The following NDUFA2 variants were observed in gnomAD, a reference collection of about 807,000 sequenced individuals.
The protein encoded by NDUFA2 is NADH dehydrogenase [ubiquinone] 1 alpha subcomplex subunit 2.
A neutral mutation model predicts 11.4 loss-of-function variants in NDUFA2; 9 were observed. That is an observed-to-expected ratio of 0.79 (90% CI 0.48 to 1.38). NDUFA2 has a LOEUF of 1.38. Among genes scored for constraint, NDUFA2 ranks in the 40% most tolerant of loss-of-function variants. The pLI, the probability that NDUFA2 is intolerant of heterozygous loss-of-function variation, is 0.00. For synonymous variants in NDUFA2, 49 were observed against 54.0 expected, an observed-to-expected ratio of 0.91 and a Z score of 0.41; for missense variants, 150 against 131.2, an observed-to-expected ratio of 1.14 and a Z score of -0.70.
intron 2 of NDUFA2, chr5:140,646,955 T>G: frequency 3.3e-6 from 1 of 302,796 alleles, no homozygotes; most frequent in East Asian, 6.7e-5. Context: ...GGCTACACGT[T>G]ATTTGGAGAA....
At chr5:140,647,187 G>A in intron 2 of NDUFA2, 69 bp downstream of exon 2, 9 of 1,473,980 alleles carry the variant, frequency 6.1e-6, no homozygotes, top group Middle Eastern at 3.7e-4. Context: ...ACGACCTTGG[G>A]CGGTCCCTTC....
In NDUFA2 at chr5:140,645,330, C is replaced by A. The variant is rs189556993; in HGVS notation, c.*257G>T. The A allele has an allele frequency of 2.2e-5, 16 of 732,350 alleles. No homozygotes were observed. Among genetic ancestry groups the A allele is most frequent in the South Asian group, 1.7e-4 (11 of 66,102 alleles). The allele number at this position is 732,350 out of a possible 1,614,324, so 45.4% of individuals were successfully genotyped here. ...TCTGGGGCCCTAGAATCCCTGCCCC[C>A]CCGCCACCCTTCATGTTTGCTTCAG... On this transcript the variant is annotated 3_prime_UTR_variant, in exon 3 of 3. Transcript: ENST00000252102.
chr5:140,646,201 G>A (rs1357959608), intron 2 of NDUFA2, among the ~76,000 whole-genome samples: 1 of 151,980 alleles, frequency 6.6e-6, no homozygotes, highest in Non-Finnish European at 1.5e-5. Flanking sequence ...AGTAGAGACG[G>A]GGTTTTACCA....
chr5:140,645,338 C>A lies in NDUFA2; in HGVS notation c.*249G>T. The A allele has an allele frequency of 1.3e-6, 1 of 741,290 alleles. No individual in the cohort carries two copies. The highest frequency in any genetic ancestry group is 1.7e-5 in the African/African-American group (1 of 57,492). The allele number at this position is 741,290 out of a possible 1,614,324, so 45.9% of individuals were successfully genotyped here. ...CCTAGAATCCCTGCCCCCCCGCCAC[C>A]CTTCATGTTTGCTTCAGCAGCTGGT... On this transcript the variant is annotated 3_prime_UTR_variant, in exon 3 of 3. Coordinates refer to ENST00000252102, the MANE Select transcript of NDUFA2 (RefSeq NM_002488.5).
Position 140,647,467 on chromosome 5 carries a change from C to A in NDUFA2, c.101+16G>T. 6.2e-7 allele frequency: 1 copy of A among 1,611,526 alleles called. No individual in the cohort carries two copies. Among genetic ancestry groups the A allele is most frequent in the Non-Finnish European group, 8.5e-7 (1 of 1,179,638 alleles). On this transcript the variant is annotated intron_variant, in intron 1 of 2. Transcript: ENST00000252102. Reference sequence around the variant, plus strand: ...GGCGTCCCGAAGCCCGCCCGCCTCACCACGCCGCGCCTCACCTGACGCCCT... The same window carrying A: ...GGCGTCCCGAAGCCCGCCCGCCTCAACACGCCGCGCCTCACCTGACGCCCT...
Position 140,647,595 on chromosome 5 carries a change from T to C in NDUFA2, c.-12A>G. ...GCGGCCGCCGCCATCCTTGTTAATA[T>C]CGAAGTCGCCAATTCCAGGTCTTCA... On this transcript the variant is annotated 5_prime_UTR_variant, in exon 1 of 3. Coordinates refer to ENST00000252102, the MANE Select transcript of NDUFA2 (RefSeq NM_002488.5). 2 of 1,608,406 alleles carry C rather than the reference T, an allele frequency of 1.2e-6. No individual in the cohort carries two copies. The highest frequency in any genetic ancestry group is 1.7e-6 in the Non-Finnish European group (2 of 1,179,630).
chr5:140,647,324 G>A lies in NDUFA2; in HGVS notation c.140C>T (p.Ala47Val), dbSNP rs755726191. The A allele has an allele frequency of 2.9e-5, 47 of 1,600,868 alleles. No homozygotes were observed. The highest frequency in any genetic ancestry group is 3.8e-5 in the Non-Finnish European group (44 of 1,171,730). Residue 47 changes from alanine to valine, a missense_variant, in exon 2 of 3, where the codon GCG becomes GTG. By Grantham distance (64) the Ala-to-Val change is moderately conservative. Coordinates refer to ENST00000252102, the MANE Select transcript of NDUFA2 (RefSeq NM_002488.5). ...IEKRYVELKK[A>V]NPDLPILIRE... is the part of the protein sequence containing the mutation. ...GATTAGGATGGGTAGGTCGGGATTC[G>A]CCTTCTTCAGCTCCACGTAGCGTTT...
intron 2 of NDUFA2, among the ~76,000 whole-genome samples, chr5:140,646,849 G>A (rs2149802385): frequency 6.6e-6 from 1 of 152,252 alleles, no homozygotes; most frequent in Non-Finnish European, 1.5e-5. Context: ...CCTAACTAAT[G>A]AAGATTAAAT....
chr5:140,647,189 G>T, intron 2 of NDUFA2, 67 bp downstream of exon 2: 1 of 1,476,388 alleles, frequency 6.8e-7, no homozygotes, highest in Non-Finnish European at 9.1e-7. Context: ...GACCTTGGGC[G>T]GTCCCTTCTC....
intron 2 of NDUFA2, 21 bp downstream of exon 2, chr5:140,647,235 C>T (rs2149802838): frequency 6.5e-7 from 1 of 1,530,100 alleles, no homozygotes; most frequent in East Asian, 2.3e-5. Context: ...GAGCCCCAGA[C>T]CCCTGGCGTC....
rs1581476099 is a variant in NDUFA2 at position 140,647,322 on chromosome 5, T to G, written c.142A>C (p.Asn48His). ...CGGATTAGGATGGGTAGGTCGGGAT[T>G]CGCCTTCTTCAGCTCCACGTAGCGT... Reference protein sequence around the residue: ...EKRYVELKKANPDLPILIREC... With the variant: ...EKRYVELKKAHPDLPILIREC... The change falls in exon 2 of 3, where the codon AAT (asparagine) becomes CAT (histidine). Residue 48 changes from asparagine to histidine, a missense_variant. Asn to His is a moderately conservative substitution (Grantham distance 68, BLOSUM62 1). Coordinates refer to ENST00000252102, the MANE Select transcript of NDUFA2 (RefSeq NM_002488.5). The G allele has an allele frequency of 6.3e-7, 1 of 1,599,776 alleles. No homozygotes were observed. Among genetic ancestry groups the G allele is most frequent in the South Asian group, 1.1e-5 (1 of 89,524 alleles).
chr5:140,647,607 A>T lies in NDUFA2; in HGVS notation c.-24T>A. The T allele has an allele frequency of 6.2e-7, 1 of 1,605,802 alleles. No homozygotes were observed. The highest frequency in any genetic ancestry group is 8.5e-7 in the Non-Finnish European group (1 of 1,178,902). Reference sequence around the variant, plus strand: ...ATCCTTGTTAATATCGAAGTCGCCAATTCCAGGTCTTCAGGCCAAGTGCTC... The same window carrying T: ...ATCCTTGTTAATATCGAAGTCGCCATTTCCAGGTCTTCAGGCCAAGTGCTC... On this transcript the variant is annotated 5_prime_UTR_variant, in exon 1 of 3. The change creates a new upstream start codon in the 5' untranslated region. Transcript: ENST00000252102.
At position 140,645,640 on chromosome 5, in the gene NDUFA2, T is replaced by G. The variant is rs1757349046; in HGVS notation, c.247A>C (p.Ser83Arg). The G allele has an allele frequency of 6.2e-7, 1 of 1,614,204 alleles. No homozygotes were observed. The highest frequency in any genetic ancestry group is 1.3e-5 in the African/African-American group (1 of 75,046). Residue 83 changes from serine to arginine, a missense_variant, in exon 3 of 3, where the codon AGT becomes CGT. Physicochemically the swap from Ser to Arg is moderately radical, Grantham distance 110 (BLOSUM62 -1). Coordinates refer to ENST00000252102, the MANE Select transcript of NDUFA2 (RefSeq NM_002488.5). ...AGGGCTCTGGTTACCTGATCAGCAC[T>G]GAAGTTGTTCAAAGGGACATTCGTC... The part of the protein sequence containing the change: ...QETNVPLNNF[S>R]ADQVTRALEN...
rs1417372999 is a variant in NDUFA2 at position 140,646,078 on chromosome 5, T to G, written c.209-400A>C. 1.6e-4 allele frequency among the ~76,000 whole-genome samples: 24 copies of G among 149,588 alleles called. 2 individuals are homozygous for G. In the Admixed American group the frequency reaches 1.6e-3, roughly 10 times the overall value. On this transcript the variant is annotated intron_variant, in intron 2 of 2. Coordinates refer to ENST00000252102, the MANE Select transcript of NDUFA2 (RefSeq NM_002488.5). The stretch of plus-strand genomic sequence containing the variant: ...CAGGCTGGAGTGTGGTGGCACGATC[T>G]CCACTCACTGCAACCTCCACCTCCT...
At chr5:140,647,004 C>G in intron 2 of NDUFA2, 1 of 449,562 alleles carries the variant, frequency 2.2e-6, no homozygotes, top group Admixed American at 4.0e-5. Context: ...GAAGCCCATT[C>G]TTAACTACAA....
Position 140,647,360 on chromosome 5 carries a change from T to TCC in NDUFA2, c.102_103dup (p.Asp35GlyfsTer11). On this transcript the variant is annotated frameshift_variant and splice_region_variant, in exon 2 of 3. Transcript: ENST00000252102. LOFTEE classifies it high-confidence loss of function. Reference sequence around the variant, plus strand: ...CTCCACGTAGCGTTTCTCAATGAAGTCCCTGCGGGGCCGGAGAGAGCGCCG... The same window carrying TCC: ...CTCCACGTAGCGTTTCTCAATGAAGTCCCCCTGCGGGGCCGGAGAGAGCGCCG... 1 of 1,610,496 alleles carries TCC rather than the reference T, an allele frequency of 6.2e-7. No homozygotes were observed. Among genetic ancestry groups the TCC allele is most frequent in the Non-Finnish European group, 8.5e-7 (1 of 1,177,402 alleles).
chr5:140,647,108 A>G (rs1757447134), intron 2 of NDUFA2, 148 bp downstream of exon 2: 1 of 904,150 alleles, frequency 1.1e-6, no homozygotes, highest in South Asian at 1.9e-5. Flanking sequence ...GCGAATATAA[A>G]TTTCTTCATG....
rs1256036558 is a variant in NDUFA2 at position 140,645,415 on chromosome 5, C to T, written c.*172G>A. ...TTATTTTTATATTAAGCTACTTTGC[C>T]TCAGTGGTTGCACAGTAAGGGGTAG... On this transcript the variant is annotated 3_prime_UTR_variant, in exon 3 of 3. Transcript: ENST00000252102. 1.8e-5 allele frequency: 16 copies of T among 876,138 alleles called. No homozygotes were observed. Among genetic ancestry groups the T allele is most frequent in the African/African-American group, 3.3e-5 (2 of 60,362 alleles). 54.3% of individuals were successfully genotyped at this position (876,138 alleles called of 1,614,324 possible).
At position 140,647,535 on chromosome 5, in the gene NDUFA2, G is replaced by A; in HGVS notation, c.49C>T (p.Arg17Cys). The A allele has an allele frequency of 6.2e-7, 1 of 1,612,232 alleles. No individual in the cohort carries two copies. The highest frequency in any genetic ancestry group is 8.5e-7 in the Non-Finnish European group (1 of 1,180,022). Residue 17 changes from arginine (R) to cysteine (C), a missense_variant, in exon 1 of 3, where the codon CGT becomes TGT. By Grantham distance (180) the Arg-to-Cys change is radical. Transcript: ENST00000252102. ...SRGVGAKLGL[R>C]EIRIHLCQRS... The stretch of plus-strand genomic sequence containing the variant: ...TGACATAAGTGGATGCGAATCTCAC[G>A]CAGGCCCAGCTTTGCCCCGACTCCT...
Sources: allele counts gnomAD v4.1 joint callset (sites outside exome capture counted in the v4.1 genomes callset), GRCh38; gene constraint gnomAD v4.1.1; transcripts MANE v1.5; gene names NCBI Gene and HGNC (gene_info 2026-07-23, HGNC 2026-07-21).